FHIT: variants seen among roughly 807,000 people sequenced by gnomAD.
FHIT encodes the protein bis(5'-adenosyl)-triphosphatase.
In FHIT, 19 loss-of-function variants were observed where a neutral mutation model predicts 17.9. The ratio of observed to expected loss-of-function variants is 1.06; its 90% confidence interval spans 0.74 to 1.56. The LOEUF is 1.56. FHIT is among the 40% of genes most tolerant of loss of function. The pLI is 0.00. For missense variants in FHIT, 248 were observed against 189.2 expected (o/e 1.31, Z -1.82); for synonymous variants, 81 against 69.7 (o/e 1.16, Z -0.81).
intron 4 of FHIT, among the ~76,000 whole-genome samples, chr3:60,729,444 T>C (rs1553710575): frequency 6.6e-6 from 1 of 152,068 alleles, no homozygotes; most frequent in Non-Finnish European, 1.5e-5. Flanking sequence ...CAATGTAAAA[T>C]GTATGGGGGA....
intron 5 of FHIT, among the ~76,000 whole-genome samples, chr3:60,407,066 A>ATTTTT (rs1701887726): frequency 3.5e-5 from 3 of 86,224 alleles, no homozygotes; most frequent in Admixed American, 2.5e-4. Flanking sequence ...GCCTGCCAAT[A>ATTTTT]ATTTTTTTTT....
chr3:59,932,909 C>G (rs1223334433), intron 7 of FHIT, among the ~76,000 whole-genome samples: 3 of 152,034 alleles, frequency 2.0e-5, no homozygotes, highest in Admixed American at 6.6e-5. Context: ...ATTTTTTGCT[C>G]CTTGGGCTTC....
At chr3:60,316,082 T>A (rs1370260402) in intron 5 of FHIT, among the ~76,000 whole-genome samples, 1 of 152,188 alleles carries the variant, frequency 6.6e-6, no homozygotes, top group Non-Finnish European at 1.5e-5. Context: ...AAAAATCCTA[T>A]CAGGCAAAGT....
intron 5 of FHIT, among the ~76,000 whole-genome samples, chr3:60,510,863 A>C (rs1028105296): frequency 6.6e-6 from 1 of 152,246 alleles, no homozygotes; most frequent in Non-Finnish European, 1.5e-5. Context: ...TATGCACCAT[A>C]TAATGTAGTA....
At chr3:60,454,981 G>C (rs1383014342) in intron 5 of FHIT, among the ~76,000 whole-genome samples, 1 of 151,944 alleles carries the variant, frequency 6.6e-6, no homozygotes, top group African/African-American at 2.4e-5. Context: ...GCAGAGCTCT[G>C]ATATGAACCC....
At chr3:60,985,200 C>A (rs552940307) in intron 3 of FHIT, among the ~76,000 whole-genome samples, 1 of 152,228 alleles carries the variant, frequency 6.6e-6, no homozygotes, top group African/African-American at 2.4e-5. Flanking sequence ...CATACTGTTG[C>A]TATAATCATT....
chr3:60,790,084 A>G, intron 4 of FHIT, among the ~76,000 whole-genome samples: 1 of 152,208 alleles, frequency 6.6e-6, no homozygotes, highest in East Asian at 1.9e-4. Context: ...TTTTTAAAAG[A>G]TTTAAGTAAC....
At chr3:60,538,295 C>T (rs950250511) in intron 4 of FHIT, among the ~76,000 whole-genome samples, 1 of 152,148 alleles carries the variant, frequency 6.6e-6, no homozygotes, top group African/African-American at 2.4e-5. Flanking sequence ...AAAGAGGACA[C>T]AAACAAATGG....
At chr3:59,792,254 G>A (rs1699596131) in intron 8 of FHIT, among the ~76,000 whole-genome samples, 1 of 152,104 alleles carries the variant, frequency 6.6e-6, no homozygotes, top group Admixed American at 6.6e-5. Context: ...GGTAATTGAG[G>A]GCCTCTCAAA....
At chr3:60,849,215 G>A (rs1575595017) in intron 3 of FHIT, among the ~76,000 whole-genome samples, 2 of 151,926 alleles carry the variant, frequency 1.3e-5, no homozygotes, top group Non-Finnish European at 2.9e-5. Flanking sequence ...AGAGAAGGGA[G>A]AGAGGGAGAG....
At chr3:59,865,657 T>G (rs1390139543) in intron 8 of FHIT, among the ~76,000 whole-genome samples, 2 of 103,300 alleles carry the variant, frequency 1.9e-5, no homozygotes, top group South Asian at 6.0e-4. Context: ...TTTTACCCTT[T>G]GCAATCTACT....
chr3:60,509,612 T>C (rs904310797), intron 5 of FHIT, among the ~76,000 whole-genome samples: 5 of 152,174 alleles, frequency 3.3e-5, no homozygotes, highest in African/African-American at 1.2e-4. Context: ...GTTAACTATA[T>C]CTGCTATTTT....
intron 5 of FHIT, among the ~76,000 whole-genome samples, chr3:60,279,181 T>C (rs1707308628): frequency 6.6e-6 from 1 of 152,064 alleles, no homozygotes; most frequent in South Asian, 2.1e-4. Context: ...TACAGATTAC[T>C]AACATTAGAA....
rs372918794 is a variant in FHIT at position 60,252,993 on chromosome 3, A to G, written c.104-238841T>C. Among the ~76,000 whole-genome samples, 56 of 152,220 alleles carry G rather than the reference A, an allele frequency of 3.7e-4. 1 individual carries two copies. Among genetic ancestry groups the G allele is most frequent in the African/African-American group, 1.1e-3 (46 of 41,566 alleles). On this transcript the variant is annotated intron_variant, in intron 5 of 9. Transcript: ENST00000492590. ...AGCCTGGGTGACAGAGCGAGACTCC[A>G]TCTCAAAATAAATAAATGAATAAAT...
intron 5 of FHIT, among the ~76,000 whole-genome samples, chr3:60,128,301 T>C (rs940619830): frequency 2.6e-5 from 4 of 152,144 alleles, no homozygotes; most frequent in African/African-American, 4.8e-5. Context: ...ATGCTATTCT[T>C]GTGATAGTAA....
At chr3:60,438,502 C>T (rs2030483673) in intron 5 of FHIT, among the ~76,000 whole-genome samples, 1 of 152,102 alleles carries the variant, frequency 6.6e-6, no homozygotes, top group Non-Finnish European at 1.5e-5. Context: ...ACTGTCTATT[C>T]CGCACTTAAC....
chr3:59,798,296 T>G (rs754421892), intron 8 of FHIT, among the ~76,000 whole-genome samples: 1 of 152,202 alleles, frequency 6.6e-6, no homozygotes, highest in Non-Finnish European at 1.5e-5. Context: ...GGTAGATAGA[T>G]CTTAACATGA....
At position 60,944,290 on chromosome 3, in the gene FHIT, C is replaced by A. The variant is rs1431564676; in HGVS notation, c.-111+97757G>T. Among the ~76,000 whole-genome samples the A allele has an allele frequency of 5.9e-5, 9 of 151,798 alleles. No individual in the cohort carries two copies. In the East Asian group the frequency reaches 1.5e-3, roughly 26 times the overall value. The stretch of plus-strand genomic sequence containing the variant: ...TGTCCTGAAGAATCTAAATGACAAC[C>A]TGATAATTGAGCTATGCTTTCCAAA... On this transcript the variant is annotated intron_variant, in intron 3 of 9. Transcript: ENST00000492590.
chr3:61,021,853 G>C (rs952571771), intron 3 of FHIT, among the ~76,000 whole-genome samples: 1 of 152,146 alleles, frequency 6.6e-6, no homozygotes, highest in East Asian at 1.9e-4. Context: ...GCAGTATTTA[G>C]AGGGAAATGT....
Sources: gnomAD v4.1 joint callset for allele counts (sites outside exome capture counted in the v4.1 genomes callset) on GRCh38, gnomAD v4.1.1 for gene constraint, MANE v1.5 for transcripts, NCBI Gene and HGNC (gene_info 2026-07-23, HGNC 2026-07-21) for gene names.